The following ELF2 variants were observed in gnomAD, a reference collection of about 807,000 sequenced individuals.
ELF2 encodes the protein ETS-related transcription factor Elf-2.
ELF2 carries 11 observed loss-of-function variants against 54.8 expected under a neutral mutation model. That is an observed-to-expected ratio of 0.20 (90% CI 0.13 to 0.33). ELF2 has a LOEUF of 0.33. Ranked by LOEUF, ELF2 falls within the 10% of genes least tolerant of loss-of-function variation. The pLI is 1.00. For missense variants in ELF2, 513 were observed against 703.0 expected, an observed-to-expected ratio of 0.73 and a Z score of 3.06; for synonymous variants, 203 against 245.1, an observed-to-expected ratio of 0.83 and a Z score of 1.61.
chr4:139,169,799 A>G (rs538264859), intron 1 of ELF2, among the ~76,000 whole-genome samples: 74 of 151,312 alleles, frequency 4.9e-4, no homozygotes, highest in African/African-American at 1.6e-3. Flanking sequence ...GGAGCTTGCC[A>G]TAAACTGAGA....
chr4:139,114,656 T>TTG (rs1380686110), intron 4 of ELF2, among the ~76,000 whole-genome samples: 2 of 144,580 alleles, frequency 1.4e-5, no homozygotes, highest in African/African-American at 5.2e-5. Flanking sequence ...TTTTTTTTTT[T>TTG]TTTTGCACCA....
intron 1 of ELF2, among the ~76,000 whole-genome samples, chr4:139,176,594 A>C (rs1349655934): frequency 6.6e-6 from 1 of 151,980 alleles, no homozygotes; most frequent in Non-Finnish European, 1.5e-5. Context: ...TTCTCGGCAG[A>C]GGTGACTCGC....
Position 139,145,409 on chromosome 4 carries a change from T to G in ELF2, c.-251-5912A>C, listed in dbSNP as rs146990606. Among the ~76,000 whole-genome samples, 272 of 152,322 alleles carry G rather than the reference T, an allele frequency of 1.8e-3. 4 individuals are homozygous for G. Among genetic ancestry groups the G allele is most frequent in the East Asian group, 0.015 (77 of 5,184 alleles). On this transcript the variant is annotated intron_variant, in intron 1 of 9. Transcript: ENST00000686138. ...TCCCCAGAATCAGCCTGGAATGTGGTAACCCCACTGGGCAGCTAGACCCAG... is the reference window on the plus strand; with the variant it reads ...TCCCCAGAATCAGCCTGGAATGTGGGAACCCCACTGGGCAGCTAGACCCAG...
chr4:139,150,024 A>C (rs1390951794), intron 1 of ELF2, among the ~76,000 whole-genome samples: 1 of 152,036 alleles, frequency 6.6e-6, no homozygotes, highest in Non-Finnish European at 1.5e-5. Context: ...GTGAAACCCC[A>C]TCTCTATAAA....
At chr4:139,156,868 A>C (rs1740605273) in intron 1 of ELF2, among the ~76,000 whole-genome samples, 1 of 151,826 alleles carries the variant, frequency 6.6e-6, no homozygotes. Flanking sequence ...TCCTGACCTC[A>C]AATGATCCAC....
chr4:139,111,349 T>C (rs1734925698), intron 4 of ELF2, among the ~76,000 whole-genome samples: 1 of 148,642 alleles, frequency 6.7e-6, no homozygotes, highest in Non-Finnish European at 1.5e-5. Context: ...ATGATCAAAA[T>C]GATATACTTT....
chr4:139,072,126 G>T (rs1729606614), intron 5 of ELF2, 87 bp from the exon 6 acceptor site: 1 of 1,330,868 alleles, frequency 7.5e-7, no homozygotes, highest in Non-Finnish European at 1.0e-6. Flanking sequence ...GAGGCGAGGT[G>T]TGTTAAGAAT....
intron 4 of ELF2, among the ~76,000 whole-genome samples, chr4:139,114,293 G>C (rs1376972322): frequency 6.6e-6 from 1 of 151,920 alleles, no homozygotes; most frequent in East Asian, 1.9e-4. Flanking sequence ...TTAGAGGCCG[G>C]GGCATGGTTG....
chr4:139,105,957 C>T (rs981781628), intron 4 of ELF2, among the ~76,000 whole-genome samples: 1 of 152,174 alleles, frequency 6.6e-6, no homozygotes, highest in African/African-American at 2.4e-5. Flanking sequence ...AATGCAAATT[C>T]TCCAGTTCTA....
At position 139,115,465 on chromosome 4, in the gene ELF2, G is replaced by A. The variant is rs746496206; in HGVS notation, c.238+9699C>T. On this transcript the variant is annotated intron_variant, in intron 4 of 9. Coordinates refer to ENST00000686138, the MANE Select transcript of ELF2 (RefSeq NM_001331036.3). Reference sequence around the variant, plus strand: ...CGGCTGGCTGGGGTTAGCTCGCCGCGGCGAGGGCAGCGGCGGGGGTGCCCG... The same window carrying A: ...CGGCTGGCTGGGGTTAGCTCGCCGCAGCGAGGGCAGCGGCGGGGGTGCCCG... The A allele has an allele frequency of 7.7e-4, 710 of 921,902 alleles. 2 individuals carry two copies. The highest frequency in any genetic ancestry group is 2.3e-3 in the Admixed American group (36 of 15,962). The allele number at this position is 921,902 out of a possible 1,614,324, so 57.1% of individuals were successfully genotyped here. A position where few individuals can be genotyped will look rare whatever the true frequency, so the allele number is the denominator to read the frequency against.
At chr4:139,134,256 T>G (rs559937187) in intron 3 of ELF2, among the ~76,000 whole-genome samples, 22 of 152,028 alleles carry the variant, frequency 1.4e-4, no homozygotes, top group Non-Finnish European at 2.6e-4. Flanking sequence ...ATATGGTGAA[T>G]CACTTGATTC....
chr4:139,066,398 A>C (rs1252109531), intron 7 of ELF2: 1 of 151,980 alleles, frequency 6.6e-6, no homozygotes, highest in East Asian at 1.9e-4. Flanking sequence ...GCTTGAGGCG[A>C]GGGGTTTGGG....
At chr4:139,145,072 C>T (rs1739092597) in intron 1 of ELF2, among the ~76,000 whole-genome samples, 1 of 152,216 alleles carries the variant, frequency 6.6e-6, no homozygotes, top group Non-Finnish European at 1.5e-5. Context: ...GGCTGGAGGC[C>T]AACAGACACA....
intron 4 of ELF2, chr4:139,084,459 C>CGGCGGCGGCTGT (rs1553957949): frequency 3.1e-4 from 360 of 1,150,454 alleles, no homozygotes; most frequent in Non-Finnish European, 3.6e-4. Flanking sequence ...GCGGCGGCGG[C>CGGCGGCGGCTGT]GGCTGTGGCT....
chr4:139,114,567 A>AGT lies in ELF2; in HGVS notation c.238+10596_238+10597insAC, dbSNP rs1560826211. On this transcript the variant is annotated intron_variant, in intron 4 of 9. Transcript: ENST00000686138. ...ACAGAGCGAGACTTCAGTCTCACAC[A>AGT]CACACACACACACACACACACACAC... is the stretch of plus-strand genomic sequence containing the variant. Among the ~76,000 whole-genome samples, 256 of 97,432 alleles carry AGT rather than the reference A, an allele frequency of 2.6e-3. 4 individuals are homozygous for AGT. Among genetic ancestry groups the AGT allele is most frequent in the Non-Finnish European group, 4.5e-3 (193 of 43,126 alleles). The allele number at this position is 97,432 out of a possible 152,430, so 63.9% of individuals were successfully genotyped here.
Position 139,096,625 on chromosome 4 carries a change from C to CTTT in ELF2, c.239-23061_239-23059dup, listed in dbSNP as rs551057884. On this transcript the variant is annotated intron_variant, in intron 4 of 9. Coordinates refer to ENST00000686138, the MANE Select transcript of ELF2 (RefSeq NM_001331036.3). Reference sequence around the variant, plus strand: ...TACAGGTGTACACCACCATACCAAGCTTTTTTTTTTTTTTTTTTTAATTCT... The same window carrying CTTT: ...TACAGGTGTACACCACCATACCAAGCTTTTTTTTTTTTTTTTTTTTTTAATTCT... 1.9e-3 allele frequency among the ~76,000 whole-genome samples: 236 copies of CTTT among 126,998 alleles called. 1 individual carries two copies. Among genetic ancestry groups the CTTT allele is most frequent in the African/African-American group, 6.6e-3 (225 of 34,300 alleles). 83.3% of individuals were successfully genotyped at this position (126,998 alleles called of 152,430 possible).
At chr4:139,151,205 A>T (rs1739961925) in intron 1 of ELF2, among the ~76,000 whole-genome samples, 2 of 152,100 alleles carry the variant, frequency 1.3e-5, no homozygotes, top group Admixed American at 1.3e-4. Context: ...GATACAGAAG[A>T]GACCTAAATA....
rs1189886864 is a variant in ELF2 at position 139,115,460 on chromosome 4, G to A, written c.238+9704C>T. On this transcript the variant is annotated intron_variant, in intron 4 of 9. Transcript: ENST00000686138. ...GCCCCCGGCTGGCTGGGGTTAGCTC[G>A]CCGCGGCGAGGGCAGCGGCGGGGGT... 8 of 954,938 alleles carry A rather than the reference G, an allele frequency of 8.4e-6. No homozygotes were observed. The African/African-American group carries it at 1.2e-4, about 15-fold the overall frequency. The allele number at this position is 954,938 out of a possible 1,614,324, so 59.2% of individuals were successfully genotyped here. A position where few individuals can be genotyped will look rare whatever the true frequency, so the allele number is the denominator to read the frequency against.
intron 4 of ELF2, among the ~76,000 whole-genome samples, chr4:139,114,642 C>CTTTCTTT (rs1553963916): frequency 2.9e-5 from 3 of 104,854 alleles, no homozygotes; most frequent in African/African-American, 7.4e-5. Context: ...TTTTTTCTTT[C>CTTTCTTT]TTTTTTTTTT....
Sources: gnomAD v4.1 joint callset for allele counts (sites outside exome capture counted in the v4.1 genomes callset) on GRCh38, gnomAD v4.1.1 for gene constraint, MANE v1.5 for transcripts, NCBI Gene and HGNC (gene_info 2026-07-23, HGNC 2026-07-21) for gene names.